The following COX11 variants were observed in gnomAD, a reference collection of about 807,000 sequenced individuals.
COX11 encodes cytochrome c oxidase assembly protein COX11, mitochondrial.
Under a neutral mutation model 29.4 loss-of-function variants are expected in COX11, and 18 were observed. The ratio of observed to expected loss-of-function variants is 0.61; its 90% CI spans 0.42 to 0.91. The LOEUF is 0.91. Ranked by LOEUF, COX11 falls within the 40% of genes least tolerant of loss-of-function variation. The pLI, the probability that COX11 is intolerant of heterozygous loss-of-function variation, is 0.00. For synonymous variants in COX11, 131 were observed against 124.0 expected (o/e 1.06, Z -0.38); for missense variants, 312 against 346.0 (o/e 0.90, Z 0.78).
chr17:54,964,974 A>T, intron 1 of COX11, 122 bp from the exon 2 acceptor site: 1 of 865,248 alleles, frequency 1.2e-6, no homozygotes, highest in Non-Finnish European at 1.8e-6. Context: ...TACATATGGT[A>T]ACTGACCATT....
upstream of COX11, chr17:54,968,685 A>G (rs754401069): frequency 5.1e-6 from 8 of 1,584,086 alleles, no homozygotes; most frequent in Middle Eastern, 1.7e-4. Flanking sequence ...CTCAGGGACG[A>G]GAGGTCAAAT....
intron 3 of COX11, 191 bp from the exon 4 acceptor site, chr17:54,963,106 A>G (rs1253588715): frequency 1.3e-6 from 1 of 782,602 alleles, no homozygotes. Flanking sequence ...ATGAAGAACA[A>G]ATTCTAATCT....
chr17:54,961,796 A>G lies in COX11; in HGVS notation c.*937T>C. ...TTTCAGGTGTCCTGAACAGGTCACT[A>G]GACTCTACATTGGGCAGCCTTTAAA... On this transcript the variant is annotated 3_prime_UTR_variant, in exon 4 of 4. Transcript: ENST00000299335. 1.0e-6 allele frequency: 1 copy of G among 988,176 alleles called. No individual in the cohort carries two copies. Among genetic ancestry groups the G allele is most frequent in the Non-Finnish European group, 1.2e-6 (1 of 831,476 alleles). The allele number at this position is 988,176 out of a possible 1,614,324, so 61.2% of individuals were successfully genotyped here.
Position 54,960,682 on chromosome 17 carries a change from A to C in COX11, c.*2051T>G. 1.5e-6 allele frequency: 2 copies of C among 1,338,614 alleles called. No individual in the cohort carries two copies. Among genetic ancestry groups the C allele is most frequent in the South Asian group, 2.4e-5 (2 of 84,740 alleles). 82.9% of individuals were successfully genotyped at this position (1,338,614 alleles called of 1,614,324 possible). ...CCATATTCCATATAATTTCAGTATAATTATCACTTTACATATTTAGTATTT... is the reference window on the plus strand; with the variant it reads ...CCATATTCCATATAATTTCAGTATACTTATCACTTTACATATTTAGTATTT... On this transcript the variant is annotated 3_prime_UTR_variant, in exon 4 of 4. Coordinates refer to ENST00000299335, the MANE Select transcript of COX11 (RefSeq NM_004375.5).
intron 1 of COX11, among the ~76,000 whole-genome samples, chr17:54,967,881 T>TG (rs1265764583): frequency 5.3e-5 from 8 of 151,996 alleles, no homozygotes; most frequent in Middle Eastern, 3.2e-3. Context: ...GAGTTACCCT[T>TG]GGCACATAAA....
Position 54,961,959 on chromosome 17 carries a change from TAATA to T in COX11, c.*770_*773del. 1 of 897,182 alleles carries T rather than the reference TAATA, an allele frequency of 1.1e-6. No homozygotes were observed. Among genetic ancestry groups the T allele is most frequent in the Non-Finnish European group, 1.3e-6 (1 of 761,664 alleles). 55.6% of individuals were successfully genotyped at this position (897,182 alleles called of 1,614,324 possible). A position where few individuals can be genotyped will look rare whatever the true frequency, so the allele number is the denominator to read the frequency against. On this transcript the variant is annotated 3_prime_UTR_variant, in exon 4 of 4. Coordinates refer to ENST00000299335, the MANE Select transcript of COX11 (RefSeq NM_004375.5). The stretch of plus-strand genomic sequence containing the variant: ...CAAATAAATCACTATTAAAACAATT[TAATA>T]CTTTTTTTTTTTAACAAAGGTTTGT...
downstream of COX11, among the ~76,000 whole-genome samples, chr17:54,958,751 GGTT>G (rs2077026382): frequency 1.2e-5 from 1 of 84,864 alleles, no homozygotes; most frequent in African/African-American, 3.9e-5. Flanking sequence ...AAAAAAAAGG[GGTT>G]GTTGGTAGCT....
intron 2 of COX11, 43 bp from the exon 3 acceptor site, chr17:54,963,474 C>A: frequency 1.3e-6 from 2 of 1,560,808 alleles, no homozygotes; most frequent in Non-Finnish European, 1.7e-6. Flanking sequence ...TTGAATCTCA[C>A]AAAGTTCCTC....
chr17:54,965,132 A>G (rs565906655), intron 1 of COX11, among the ~76,000 whole-genome samples: 10 of 152,356 alleles, frequency 6.6e-5, no homozygotes, highest in South Asian at 4.1e-4. Flanking sequence ...TAAGTCAACT[A>G]TTATCACTGA....
At chr17:54,952,768 G>A (rs1367514252) in exon 1 of COX11, 5 of 152,200 alleles carry the variant, frequency 3.3e-5, no homozygotes, top group Non-Finnish European at 5.9e-5. Flanking sequence ...GGAGTCATAT[G>A]AGGCCCCAAG....
rs1353113686 is a variant in COX11 at position 54,960,882 on chromosome 17, A to C, written c.*1851T>G. On this transcript the variant is annotated 3_prime_UTR_variant, in exon 4 of 4. Coordinates refer to ENST00000299335, the MANE Select transcript of COX11 (RefSeq NM_004375.5). ...ATGGTATAGAAATATTAATGCTAAC[A>C]AAATAGATGAGCAATAGGAGTAGCA... is the stretch of plus-strand genomic sequence containing the variant. Among the ~76,000 whole-genome samples, 2 of 152,220 alleles carry C rather than the reference A, an allele frequency of 1.3e-5. No homozygotes were observed. Among genetic ancestry groups the C allele is most frequent in the Admixed American group, 6.5e-5 (1 of 15,288 alleles).
Position 54,968,636 on chromosome 17 carries a change from A to G in COX11, c.11T>C (p.Leu4Pro), listed in dbSNP as rs2077323545. 6.2e-7 allele frequency: 1 copy of G among 1,612,238 alleles called. No homozygotes were observed. Among genetic ancestry groups the G allele is most frequent in the East Asian group, 2.2e-5 (1 of 44,814 alleles). The stretch of plus-strand genomic sequence containing the variant: ...AACGCACCTCCATCCAGGACGCCAG[A>G]GCCCTCCCATAACCCTCTGAACTAA... MGG[L>P]WRPGWRCVPF... is the part of the protein sequence containing the mutation. Residue 4 changes from leucine (L) to proline (P), a missense_variant, in exon 1 of 4, where the codon CTC (leucine) becomes CCC (proline). By Grantham distance (98) the Leu-to-Pro change is moderately conservative. This residue lies in a region of COX11 where 130 missense variants were observed against 106.0 expected (regional missense o/e 1.23). Coordinates refer to ENST00000299335, the MANE Select transcript of COX11 (RefSeq NM_004375.5).
intron 1 of COX11, among the ~76,000 whole-genome samples, chr17:54,966,191 A>C (rs2077213601): frequency 6.6e-6 from 1 of 152,218 alleles, no homozygotes; most frequent in Non-Finnish European, 1.5e-5. Flanking sequence ...AATACTTTTA[A>C]GTGTCCTCCC....
At chr17:54,957,623 A>G (rs1157993566), downstream of COX11, 1 of 152,108 alleles carries the variant, frequency 6.6e-6, no homozygotes, top group Admixed American at 6.5e-5. Flanking sequence ...GTTCTTTTGA[A>G]AGTCCCATGA....
chr17:54,961,367 A>G lies in COX11; in HGVS notation c.*1366T>C, dbSNP rs749792862. On this transcript the variant is annotated 3_prime_UTR_variant, in exon 4 of 4. Coordinates refer to ENST00000299335, the MANE Select transcript of COX11 (RefSeq NM_004375.5). ...AGCCATGGTGGCACATTTCTGCTAT[A>G]ATGAAGATTAAATAGAATAACAGTT... is the stretch of plus-strand genomic sequence containing the variant. 9 of 1,550,900 alleles carry G rather than the reference A, an allele frequency of 5.8e-6. No individual in the cohort carries two copies. In the South Asian group the frequency reaches 8.3e-5, roughly 14 times the overall value.
chr17:54,957,034 T>C (rs116643872), downstream of COX11: 1,432 of 152,364 alleles, frequency 9.4e-3, 28 homozygotes, highest in African/African-American at 0.033. Flanking sequence ...AGGTCTGTCA[T>C]GAACTGGTTT....
intron 1 of COX11, among the ~76,000 whole-genome samples, chr17:54,967,487 C>G (rs1185210006): frequency 1.3e-5 from 2 of 152,134 alleles, no homozygotes. Context: ...CTCTAAAATA[C>G]GTGAAACTTG....
Position 54,968,510 on chromosome 17 carries a change from G to C in COX11, c.137C>G (p.Ala46Gly). Residue 46 changes from alanine (A) to glycine (G), a missense_variant, in exon 1 of 4, where the codon GCC becomes GGC. Transcript: ENST00000299335. ...LRPEWSGTGGAERGLRWLGTW... is the reference protein window; with the variant it reads ...LRPEWSGTGGGERGLRWLGTW... ...CCCAAGCCACCTCAGTCCTCTCTCGGCACCTCCTGTCCCACTCCACTCTGG... is the reference window on the plus strand; with the variant it reads ...CCCAAGCCACCTCAGTCCTCTCTCGCCACCTCCTGTCCCACTCCACTCTGG... 4 of 1,613,280 alleles carry C rather than the reference G, an allele frequency of 2.5e-6. No homozygotes were observed. The highest frequency in any genetic ancestry group is 3.4e-6 in the Non-Finnish European group (4 of 1,179,974).
chr17:54,968,246 G>A, intron 1 of COX11, 35 bp downstream of exon 1: 1 of 1,593,892 alleles, frequency 6.3e-7, no homozygotes, highest in Non-Finnish European at 8.5e-7. Flanking sequence ...CACCTCTCGC[G>A]TCTGCGCCAC....
Sources: allele counts gnomAD v4.1 joint callset (sites outside exome capture counted in the v4.1 genomes callset), GRCh38; gene constraint gnomAD v4.1.1; regional missense constraint gnomAD v4.1.1; transcripts MANE v1.5; gene names NCBI Gene and HGNC (gene_info 2026-07-23, HGNC 2026-07-21).